TNRC6C: variants seen among roughly 807,000 people sequenced by gnomAD.
TNRC6C encodes the protein trinucleotide repeat containing adaptor 6C, also known as trinucleotide repeat-containing gene 6C protein.
Under a neutral mutation model 153.7 loss-of-function variants are expected in TNRC6C, and 20 were observed. The ratio of observed to expected loss-of-function variants is 0.13; its 90% CI spans 0.09 to 0.19. TNRC6C has a LOEUF of 0.19. Among genes scored for constraint, TNRC6C ranks in the 10% least tolerant of loss-of-function variants. The pLI, the probability that TNRC6C is intolerant of heterozygous loss-of-function variation, is 1.00. For synonymous variants in TNRC6C, 811 were observed against 841.4 expected, an observed-to-expected ratio of 0.96 and a Z score of 0.63; for missense variants, 1,987 against 2,172.0, an observed-to-expected ratio of 0.91 and a Z score of 1.69.
intron 3 of TNRC6C, among the ~76,000 whole-genome samples, chr17:78,062,843 T>C (rs529403153): frequency 6.6e-6 from 1 of 152,202 alleles, no homozygotes; most frequent in Non-Finnish European, 1.5e-5. Flanking sequence ...TCCCAAAAAC[T>C]TAACTACTTG....
intron 1 of TNRC6C, among the ~76,000 whole-genome samples, chr17:77,994,754 C>A (rs906470221): frequency 1.7e-4 from 26 of 151,568 alleles, no homozygotes; most frequent in African/African-American, 5.3e-4. Flanking sequence ...AAAAAAAAAA[C>A]AAAAACAAAA....
intron 7 of TNRC6C, among the ~76,000 whole-genome samples, 200 bp downstream of exon 9, chr17:78,073,294 C>G (rs1437418061): frequency 6.6e-6 from 1 of 152,216 alleles, no homozygotes; most frequent in Non-Finnish European, 1.5e-5. Context: ...GGTGAATCGC[C>G]AATGCCATAT....
chr17:78,026,070 T>A (rs563147734), intron 1 of TNRC6C, among the ~76,000 whole-genome samples: 11 of 151,328 alleles, frequency 7.3e-5, no homozygotes, highest in Non-Finnish European at 1.5e-5. Context: ...ATCCAAGTTT[T>A]TGAGGTCTCT....
Position 78,051,344 on chromosome 17 carries a change from C to A in TNRC6C, c.2282C>A (p.Thr761Asn). Residue 761 changes from threonine (T) to asparagine (N), a missense_variant, in exon 3 of 20, where the codon ACC becomes AAC. Transcript: ENST00000301624. ...CAGAGCAGTACCACGACCAATACCA[C>A]CACCACCACCACCACTACCACGAGC... 1.3e-6 allele frequency: 2 copies of A among 1,551,284 alleles called. No individual in the cohort carries two copies. Among genetic ancestry groups the A allele is most frequent in the Non-Finnish European group, 1.7e-6 (2 of 1,146,750 alleles).
At chr17:77,958,698 T>C (rs2070832725), upstream of TNRC6C, among the ~76,000 whole-genome samples, 1 of 151,814 alleles carries the variant, frequency 6.6e-6, no homozygotes, top group African/African-American at 2.4e-5. Context: ...AGGGGGGTTC[T>C]TGTCAGTTAG....
At chr17:78,040,527 A>G (rs2072270886) in intron 2 of TNRC6C, among the ~76,000 whole-genome samples, 1 of 152,306 alleles carries the variant, frequency 6.6e-6, no homozygotes, top group African/African-American at 2.4e-5. Flanking sequence ...GCTCATTTAG[A>G]ATATTACAGC....
rs1481847018 is a variant in TNRC6C at position 78,106,586 on chromosome 17, CA to C, written c.*1744del. 11 of 129,800 alleles carry C rather than the reference CA, an allele frequency of 8.5e-5. 3 individuals are homozygous for C. The highest frequency in any genetic ancestry group is 3.1e-4 in the African/African-American group (11 of 35,372). The allele number at this position is 129,800 out of a possible 1,614,324, so 8.0% of individuals were successfully genotyped here. ...AAAAGAAAAAGAGGAAAAAAAAACA[CA>C]AAGAAGAAAAATACCTAATCTCTAA... is the stretch of plus-strand genomic sequence containing the variant. On this transcript the variant is annotated 3_prime_UTR_variant, in exon 20 of 20. Transcript: ENST00000301624.
At chr17:78,093,744 C>A in exon 16 of TNRC6C, 1 of 1,613,998 alleles carries the variant, frequency 6.2e-7, no homozygotes, top group Non-Finnish European at 8.5e-7. Flanking sequence ...ATGTCAACCG[C>A]TACCTCCTCA....
intron 3 of TNRC6C, among the ~76,000 whole-genome samples, chr17:78,051,815 T>C (rs111772460): frequency 1.2e-4 from 19 of 152,154 alleles, no homozygotes; most frequent in Non-Finnish European, 2.6e-4. Context: ...AGGATAGACA[T>C]GGTTCAGAAC....
At position 78,051,458 on chromosome 17, in the gene TNRC6C, G is replaced by A; in HGVS notation, c.2395+1G>A. Reference sequence around the variant, plus strand: ...CCGTTGCTTGGTCCAGGTAGGAAAGGTATTTCATGTTTCTTTACAAGTAAA... The same window carrying A: ...CCGTTGCTTGGTCCAGGTAGGAAAGATATTTCATGTTTCTTTACAAGTAAA... On this transcript the variant is annotated splice_donor_variant, in intron 3 of 19. Coordinates refer to ENST00000301624, the Ensembl canonical transcript of TNRC6C. LOFTEE classifies it high-confidence loss of function. 1 of 1,235,432 alleles carries A rather than the reference G, an allele frequency of 8.1e-7. No individual in the cohort carries two copies. Among genetic ancestry groups the A allele is most frequent in the Non-Finnish European group, 1.0e-6 (1 of 959,406 alleles). The allele number at this position is 1,235,432 out of a possible 1,614,324, so 76.5% of individuals were successfully genotyped here. A position where few individuals can be genotyped will look rare whatever the true frequency, so the allele number is the denominator to read the frequency against.
rs775700122 is a variant in TNRC6C, at chr17:78,049,853, G to T, written c.791G>T (p.Gly264Val). ...CCTGCCACAGGAAATAGCAATTCTG[G>T]GTTCAGTCAGGGGAATGGAGACACT... is the stretch of plus-strand genomic sequence containing the variant. Residue 264 changes from glycine (G) to valine (V), a missense_variant, in exon 3 of 20, where the codon GGG becomes GTG. Gly to Val is a moderately radical substitution (Grantham distance 109). This residue lies in a region of TNRC6C where 1,052 missense variants were observed against 1,017.0 expected (regional missense o/e 1.03). Transcript: ENST00000301624. The surrounding 1 kb of genome is among the most constrained non-coding windows in gnomAD (Gnocchi z 4.1). 6.2e-7 allele frequency: 1 copy of T among 1,613,722 alleles called. No homozygotes were observed. The highest frequency in any genetic ancestry group is 1.1e-5 in the South Asian group (1 of 91,070).
At position 78,091,506 on chromosome 17, in the gene TNRC6C, C is replaced by T. The variant is rs375541821; in HGVS notation, c.3869C>T (p.Pro1290Leu). 17 of 1,610,116 alleles carry T rather than the reference C, an allele frequency of 1.1e-5. No individual in the cohort carries two copies. The highest frequency in any genetic ancestry group is 1.4e-5 in the Non-Finnish European group (17 of 1,178,462). Residue 1290 changes from proline (P) to leucine (L), a missense_variant, in exon 14 of 20, where the codon CCA (proline) becomes CTA (leucine). Physicochemically the swap from Pro to Leu is moderately conservative, Grantham distance 98. Transcript: ENST00000301624. ...ACCGGTGGCTTGTCGGTGAAGGACC[C>T]ATCCCAGTCCCAGTCACGCCTCCCC...
chr17:78,030,540 T>A (rs1254316381), intron 1 of TNRC6C, among the ~76,000 whole-genome samples: 1 of 152,198 alleles, frequency 6.6e-6, no homozygotes, highest in Non-Finnish European at 1.5e-5. Flanking sequence ...TAGGAATTTT[T>A]CAATTCCATT....
chr17:78,029,030 T>G (rs962371439), intron 1 of TNRC6C, among the ~76,000 whole-genome samples: 1 of 152,230 alleles, frequency 6.6e-6, no homozygotes, highest in African/African-American at 2.4e-5. Context: ...CCAACTCTTC[T>G]GCTCCTTTTT....
intron 1 of TNRC6C, among the ~76,000 whole-genome samples, chr17:77,991,455 C>T (rs1395982977): frequency 6.6e-6 from 1 of 152,194 alleles, no homozygotes; most frequent in Non-Finnish European, 1.5e-5. Flanking sequence ...TTTCCCCAGC[C>T]TTCCTTGTGT....
At position 78,075,095 on chromosome 17, in the gene TNRC6C, T is replaced by C. The variant is rs776577942; in HGVS notation, c.2918-41T>C. ...TGCCTATCTTGTGCTCAGCACTCACTTGTTTTGTTTACAACATTGCTTCTG... is the reference window on the plus strand; with the variant it reads ...TGCCTATCTTGTGCTCAGCACTCACCTGTTTTGTTTACAACATTGCTTCTG... On this transcript the variant is annotated intron_variant, in intron 7 of 19. Transcript: ENST00000301624. This position sits in a 1 kb window ranked among gnomAD's most constrained non-coding sequence, Gnocchi z 4.2. 6.2e-7 allele frequency: 1 copy of C among 1,605,042 alleles called. No homozygotes were observed. Among genetic ancestry groups the C allele is most frequent in the Non-Finnish European group, 8.5e-7 (1 of 1,175,332 alleles).
chr17:77,997,504 C>A (rs1298050994), intron 1 of TNRC6C, among the ~76,000 whole-genome samples: 1 of 152,098 alleles, frequency 6.6e-6, no homozygotes. Flanking sequence ...TTATCTTTAG[C>A]TCTGCACCCT....
intron 1 of TNRC6C, among the ~76,000 whole-genome samples, chr17:77,981,256 A>G (rs1403679348): frequency 6.6e-6 from 1 of 152,026 alleles, no homozygotes; most frequent in Non-Finnish European, 1.5e-5. Context: ...TTGGGTTTTT[A>G]TGAGAACTTC....
Position 78,049,841 on chromosome 17 carries a change from A to G in TNRC6C, c.779A>G (p.Asn260Ser). 2 of 1,613,658 alleles carry G rather than the reference A, an allele frequency of 1.2e-6. No homozygotes were observed. Among genetic ancestry groups the G allele is most frequent in the South Asian group, 2.2e-5 (2 of 91,046 alleles). The change falls in exon 3 of 20, where the codon AAT becomes AGT. Residue 260 changes from asparagine (N) to serine (S), a missense_variant. Asn to Ser is a conservative substitution (Grantham distance 46). Transcript: ENST00000301624. The surrounding 1 kb of genome is among the most constrained non-coding windows in gnomAD (Gnocchi z 4.1). ...TCCCCAGGTAACCCTGCCACAGGAA[A>G]TAGCAATTCTGGGTTCAGTCAGGGG...
Sources: gnomAD v4.1 joint callset for allele counts (sites outside exome capture counted in the v4.1 genomes callset) on GRCh38, gnomAD v4.1.1 for gene constraint, gnomAD v4.1.1 regional missense constraint, Gnocchi (gnomAD v3.1) non-coding constraint, MANE v1.5 for transcripts, NCBI Gene and HGNC (gene_info 2026-07-23, HGNC 2026-07-21) for gene names.